Variants in DENND2A observed in about 807,000 individuals in gnomAD.
DENND2A encodes the protein DENN domain-containing protein 2A.
In DENND2A, 53 loss-of-function variants were observed where a neutral mutation model predicts 105.3. That is an observed-to-expected ratio of 0.50 (90% confidence interval 0.40 to 0.63). The LOEUF is 0.63. Ranked by LOEUF, DENND2A falls within the 30% of genes least tolerant of loss-of-function variation. The pLI is 0.00. For missense variants in DENND2A, 1,138 were observed against 1,279.6 expected (o/e 0.89, Z 1.69); for synonymous variants, 522 against 508.4 (o/e 1.03, Z -0.36).
At chr7:140,522,437 C>T (rs1795892832) in intron 17 of DENND2A, among the ~76,000 whole-genome samples, 1 of 152,012 alleles carries the variant, frequency 6.6e-6, no homozygotes, top group Non-Finnish European at 1.5e-5. Flanking sequence ...CCTCAGCCTC[C>T]CGAGTAGCTG....
Position 140,523,431 on chromosome 7 carries a change from A to T in DENND2A, c.2548-7T>A. On this transcript the variant is annotated splice_polypyrimidine_tract_variant and splice_region_variant and intron_variant, in intron 16 of 19. Coordinates refer to ENST00000496613, the MANE Select transcript of DENND2A (RefSeq NM_015689.5). The surrounding 1 kb of genome is among the most constrained non-coding windows in gnomAD (Gnocchi z 4.5). ...TGGAGTCCTCATCGTCCATCTGGAA[A>T]GCAGAGGTAGCAGGTGGGCTTATGG... 2.5e-6 allele frequency: 4 copies of T among 1,613,826 alleles called. No individual in the cohort carries two copies. The highest frequency in any genetic ancestry group is 3.4e-6 in the Non-Finnish European group (4 of 1,179,800).
chr7:140,634,016 C>T (rs1180574772), intron 1 of DENND2A, among the ~76,000 whole-genome samples: 34 of 147,950 alleles, frequency 2.3e-4, no homozygotes, highest in African/African-American at 7.2e-4. Flanking sequence ...TTTTTTTTTC[C>T]GAGACAGAGT....
At chr7:140,591,569 A>G (rs1336619722) in intron 3 of DENND2A, among the ~76,000 whole-genome samples, 4 of 152,174 alleles carry the variant, frequency 2.6e-5, no homozygotes, top group Non-Finnish European at 5.9e-5. Flanking sequence ...CATTTGATCT[A>G]TCATTGTCAT....
At chr7:140,639,686 C>T (rs932296178) in intron 1 of DENND2A, among the ~76,000 whole-genome samples, 1 of 152,234 alleles carries the variant, frequency 6.6e-6, no homozygotes, top group African/African-American at 2.4e-5. Context: ...TGTCCGATGT[C>T]ATTTGGAACC....
intron 14 of DENND2A, among the ~76,000 whole-genome samples, chr7:140,542,667 C>T (rs532080909): frequency 2.7e-4 from 40 of 148,926 alleles, no homozygotes; most frequent in Non-Finnish European, 4.6e-4. Context: ...CGGGTTCAAA[C>T]GATTCTTCTT....
Position 140,544,757 on chromosome 7 carries a change from GT to G in DENND2A, c.2187del (p.Glu729AspfsTer60). 1.3e-6 allele frequency: 2 copies of G among 1,580,922 alleles called. No homozygotes were observed. Among genetic ancestry groups the G allele is most frequent in the Non-Finnish European group, 1.7e-6 (2 of 1,163,480 alleles). On this transcript the variant is annotated frameshift_variant, in exon 14 of 20. Coordinates refer to ENST00000496613, the MANE Select transcript of DENND2A (RefSeq NM_015689.5). LOFTEE classifies it high-confidence loss of function. ...AGCCGGGAGTCCAGCGGGCGGCACAGTTCGATCACCTGCCAGGGAACAGGAG... is the reference window on the plus strand; with the variant it reads ...AGCCGGGAGTCCAGCGGGCGGCACAGTCGATCACCTGCCAGGGAACAGGAG... ...FLPGSGTEVI[E>X]LCRPLDSRLE...
chr7:140,527,672 C>T lies in DENND2A; in HGVS notation c.2328-177G>A, dbSNP rs1796114860. 6.6e-6 allele frequency among the ~76,000 whole-genome samples: 1 copy of T among 152,100 alleles called. No individual in the cohort carries two copies. The highest frequency in any genetic ancestry group is 2.4e-5 in the African/African-American group (1 of 41,426). On this transcript the variant is annotated intron_variant, in intron 14 of 19. Coordinates refer to ENST00000496613, the MANE Select transcript of DENND2A (RefSeq NM_015689.5). The surrounding 1 kb of genome is among the most constrained non-coding windows in gnomAD (Gnocchi z 4.9). ...CCACACCAGGCACTTAGAGCCTATGCGAGAGGCTTGCAGGCACAGCTACAG... is the reference window on the plus strand; with the variant it reads ...CCACACCAGGCACTTAGAGCCTATGTGAGAGGCTTGCAGGCACAGCTACAG...
At chr7:140,574,111 A>G in intron 5 of DENND2A, 103 bp from the exon 6 acceptor site, 3 of 1,344,494 alleles carry the variant, frequency 2.2e-6, no homozygotes, top group Non-Finnish European at 3.2e-6. Flanking sequence ...GAGAAGAGGA[A>G]CTGGTCTATG....
chr7:140,624,858 G>GTTTTTTTTTTTTTTTTTTT (rs955912203), intron 1 of DENND2A, among the ~76,000 whole-genome samples: 7 of 123,764 alleles, frequency 5.7e-5, no homozygotes, highest in Admixed American at 7.8e-5. Flanking sequence ...TGTTTTTTTT[G>GTTTTTTTTTTTTTTTTTTT]TTTTTTTTTG....
At chr7:140,579,836 A>T (rs575468750) in intron 5 of DENND2A, among the ~76,000 whole-genome samples, 2 of 152,272 alleles carry the variant, frequency 1.3e-5, no homozygotes, top group East Asian at 3.9e-4. Context: ...ACACATATAC[A>T]AGATGTCAAT....
chr7:140,618,826 C>T lies in DENND2A; in HGVS notation c.-247-13020G>A, dbSNP rs970594273. On this transcript the variant is annotated intron_variant, in intron 1 of 19. Coordinates refer to ENST00000496613, the MANE Select transcript of DENND2A (RefSeq NM_015689.5). ...CCTTTTTTTTTTTCTTTTTCTGAGA[C>T]GGAGTCTTGCTCTGTCGCTTAGGCT... Among the ~76,000 whole-genome samples, 50 of 150,776 alleles carry T rather than the reference C, an allele frequency of 3.3e-4. 1 individual carries two copies. Among genetic ancestry groups the T allele is most frequent in the Admixed American group, 2.8e-3 (43 of 15,114 alleles).
At position 140,525,736 on chromosome 7, in the gene DENND2A, G is replaced by T. The variant is rs748370133; in HGVS notation, c.2547+15C>A. ...AAGACAAAGGGAGCAGGAGGCCGTC[G>T]CTGGCCTCACTCACCTGTCTGAGGA... On this transcript the variant is annotated intron_variant, in intron 16 of 19. Transcript: ENST00000496613. 4 of 1,603,176 alleles carry T rather than the reference G, an allele frequency of 2.5e-6. No homozygotes were observed. Among genetic ancestry groups the T allele is most frequent in the Non-Finnish European group, 8.5e-7 (1 of 1,174,806 alleles).
chr7:140,628,446 T>C (rs1404225922), intron 1 of DENND2A, among the ~76,000 whole-genome samples: 1 of 152,098 alleles, frequency 6.6e-6, no homozygotes, highest in Non-Finnish European at 1.5e-5. Flanking sequence ...TGTTTTGTAC[T>C]CAGAAGTTGT....
At chr7:140,569,517 C>T (rs113136645) in intron 7 of DENND2A, 128 bp downstream of exon 7, 50 of 738,564 alleles carry the variant, frequency 6.8e-5, no homozygotes, top group African/African-American at 1.5e-4. Context: ...AAAGACAGTG[C>T]GGGACATTTA....
rs540506955 is a variant in DENND2A, at chr7:140,574,407, C to T, written c.1246-399G>A. Among the ~76,000 whole-genome samples the T allele has an allele frequency of 1.1e-4, 17 of 152,090 alleles. No individual in the cohort carries two copies. In the South Asian group the frequency reaches 3.1e-3, roughly 28 times the overall value. On this transcript the variant is annotated intron_variant, in intron 5 of 19. Transcript: ENST00000496613. ...CTAATTTTTCGTATTTTAGTAGAGA[C>T]GAGGTTTCACCGTGTTGCCCAGGCT...
chr7:140,620,297 A>G (rs997429105), intron 1 of DENND2A, among the ~76,000 whole-genome samples: 6 of 147,276 alleles, frequency 4.1e-5, no homozygotes, highest in African/African-American at 1.5e-4. Context: ...GCCAAAAGAA[A>G]CAGAATCCAA....
intron 3 of DENND2A, among the ~76,000 whole-genome samples, chr7:140,595,852 G>T (rs1316527694): frequency 6.6e-6 from 1 of 151,846 alleles, no homozygotes; most frequent in African/African-American, 2.4e-5. Context: ...GATGCCACGC[G>T]CTGACTTCCA....
At chr7:140,576,279 T>C (rs766143996) in intron 5 of DENND2A, among the ~76,000 whole-genome samples, 23 of 152,182 alleles carry the variant, frequency 1.5e-4, no homozygotes, top group Non-Finnish European at 2.8e-4. Flanking sequence ...TATGAAAATG[T>C]GTTAATCTTT....
At chr7:140,594,566 G>A (rs531473370) in intron 3 of DENND2A, among the ~76,000 whole-genome samples, 1 of 152,310 alleles carries the variant, frequency 6.6e-6, no homozygotes, top group South Asian at 2.1e-4. Context: ...ACTGACAGGA[G>A]TTATGATCAC....
Sources: gnomAD v4.1 joint callset for allele counts (sites outside exome capture counted in the v4.1 genomes callset) on GRCh38, gnomAD v4.1.1 for gene constraint, Gnocchi (gnomAD v3.1) non-coding constraint, MANE v1.5 for transcripts, NCBI Gene and HGNC (gene_info 2026-07-23, HGNC 2026-07-21) for gene names.